Variants in ALKAL1 observed in about 807,000 individuals in gnomAD.
ALKAL1 encodes the protein ALK and LTK ligand 1.
A neutral mutation model predicts 13.5 loss-of-function variants in ALKAL1; 23 were observed. The observed-to-expected ratio is 1.70, with a 90% confidence interval of 1.23 to 2.41. ALKAL1 has a LOEUF of 2.41. ALKAL1 is among the 30% of genes most tolerant of loss of function. The pLI, the probability that ALKAL1 is intolerant of heterozygous loss-of-function variation, is 0.00. For missense variants in ALKAL1, 181 were observed against 178.4 expected, an observed-to-expected ratio of 1.01 and a Z score of -0.08; for synonymous variants, 85 against 77.7, an observed-to-expected ratio of 1.09 and a Z score of -0.49.
chr8:52,544,921 A>C (rs1590866454), intron 1 of ALKAL1, among the ~76,000 whole-genome samples: 1 of 152,100 alleles, frequency 6.6e-6, no homozygotes, highest in East Asian at 1.9e-4. Context: ...TAATAAATAA[A>C]TTTTGTTTTT....
chr8:52,544,275 C>A (rs914771227), intron 1 of ALKAL1, among the ~76,000 whole-genome samples: 4 of 152,022 alleles, frequency 2.6e-5, no homozygotes, highest in African/African-American at 7.2e-5. Flanking sequence ...AAAACACAAA[C>A]ATCACATAGG....
In ALKAL1 at chr8:52,538,348, T is replaced by G. The variant is rs1462376700; in HGVS notation, c.*12+83A>C. Reference sequence around the variant, plus strand: ...CCCATAAATATGTACAATCATTATGTGTCAACTAAAAAGAAAAGGAAAAAA... The same window carrying G: ...CCCATAAATATGTACAATCATTATGGGTCAACTAAAAAGAAAAGGAAAAAA... On this transcript the variant is annotated intron_variant, in intron 4 of 4. Transcript: ENST00000358543. 3 of 761,478 alleles carry G rather than the reference T, an allele frequency of 3.9e-6. No individual in the cohort carries two copies. In the East Asian group the frequency reaches 8.1e-5, roughly 21 times the overall value. The allele number at this position is 761,478 out of a possible 1,614,324, so 47.2% of individuals were successfully genotyped here. A position where few individuals can be genotyped will look rare whatever the true frequency, so the allele number is the denominator to read the frequency against.
At chr8:52,541,654 A>G (rs1345312474) in intron 2 of ALKAL1, among the ~76,000 whole-genome samples, 1 of 152,110 alleles carries the variant, frequency 6.6e-6, no homozygotes, top group Non-Finnish European at 1.5e-5. Flanking sequence ...CTGTAATCCC[A>G]GCTATTTGGG....
intron 1 of ALKAL1, among the ~76,000 whole-genome samples, chr8:52,557,167 G>A (rs1227191542): frequency 6.6e-6 from 1 of 152,212 alleles, no homozygotes; most frequent in Admixed American, 6.5e-5. Flanking sequence ...CTTTGAAGCA[G>A]TCATGATGAT....
chr8:52,534,606 G>T lies in ALKAL1; in HGVS notation c.*13-6C>A. On this transcript the variant is annotated splice_polypyrimidine_tract_variant and splice_region_variant and intron_variant, in intron 4 of 4. Transcript: ENST00000358543. ...TGTACATTCTTAGGAAATGTCTGTG[G>T]GGGTAAAAGAAGAGCCATATCATTT... 1 of 599,462 alleles carries T rather than the reference G, an allele frequency of 1.7e-6. No homozygotes were observed. The allele number at this position is 599,462 out of a possible 1,614,324, so 37.1% of individuals were successfully genotyped here.
intron 1 of ALKAL1, among the ~76,000 whole-genome samples, chr8:52,561,511 C>G (rs1352759823): frequency 6.6e-6 from 1 of 152,100 alleles, no homozygotes; most frequent in African/African-American, 2.4e-5. Context: ...GAGGGGGTAC[C>G]AAGCCTGGGA....
intron 2 of ALKAL1, 48 bp downstream of exon 2, chr8:52,542,344 C>G (rs1219172655): frequency 2.0e-5 from 25 of 1,233,076 alleles, no homozygotes; most frequent in Non-Finnish European, 2.7e-5. Flanking sequence ...ATTCTGCACA[C>G]AGTCTTTTTA....
At chr8:52,562,397 ACC>A (rs1315228597) in intron 1 of ALKAL1, among the ~76,000 whole-genome samples, 59 of 152,080 alleles carry the variant, frequency 3.9e-4, no homozygotes, top group Non-Finnish European at 8.1e-4. Flanking sequence ...CATCCCAACG[ACC>A]TCAGCTGTGT....
At position 52,556,840 on chromosome 8, in the gene ALKAL1, A is replaced by G. The variant is rs1057314700; in HGVS notation, c.190+8227T>C. 9.2e-5 allele frequency among the ~76,000 whole-genome samples: 14 copies of G among 152,178 alleles called. No homozygotes were observed. The East Asian group carries it at 9.7e-4, about 10-fold the overall frequency. ...TTGTGAAGTATCTTTTATTTTTGCT[A>G]TATCTATAAAGAATTCTTTAAGGTG... On this transcript the variant is annotated intron_variant, in intron 1 of 4. Transcript: ENST00000358543.
chr8:52,544,734 A>G (rs1249349765), intron 1 of ALKAL1, among the ~76,000 whole-genome samples: 1 of 152,010 alleles, frequency 6.6e-6, no homozygotes, highest in Admixed American at 6.6e-5. Context: ...TGACTAAGAG[A>G]GCAGAGTTCA....
chr8:52,546,859 T>C (rs1195641315), intron 1 of ALKAL1, among the ~76,000 whole-genome samples: 1 of 152,180 alleles, frequency 6.6e-6, no homozygotes, highest in Non-Finnish European at 1.5e-5. Flanking sequence ...TGCTGAGAGA[T>C]CCTTTGTCTC....
At chr8:52,543,509 G>C (rs1279480288) in intron 1 of ALKAL1, among the ~76,000 whole-genome samples, 2 of 152,204 alleles carry the variant, frequency 1.3e-5, no homozygotes, top group Non-Finnish European at 2.9e-5. Flanking sequence ...TTCAGGGCCT[G>C]GTTCAGGGCG....
chr8:52,555,995 C>T lies in ALKAL1; in HGVS notation c.190+9072G>A, dbSNP rs1201886449. ...AAAACACGGATGGTGGTAGATCCTG[C>T]ATGGAATGGTGATCTAGTCACATAT... On this transcript the variant is annotated intron_variant, in intron 1 of 4. Transcript: ENST00000358543. Among the ~76,000 whole-genome samples, 4 of 152,122 alleles carry T rather than the reference C, an allele frequency of 2.6e-5. No individual in the cohort carries two copies. The East Asian group carries it at 7.7e-4, about 29-fold the overall frequency.
At chr8:52,551,534 C>T (rs572303641) in intron 1 of ALKAL1, among the ~76,000 whole-genome samples, 1 of 149,740 alleles carries the variant, frequency 6.7e-6, no homozygotes, top group South Asian at 2.1e-4. Context: ...GTCCTGAACT[C>T]GTGGCCTCAA....
intron 1 of ALKAL1, among the ~76,000 whole-genome samples, chr8:52,564,193 AG>A (rs1451076919): frequency 2.0e-5 from 3 of 152,132 alleles, no homozygotes; most frequent in Non-Finnish European, 4.4e-5. Context: ...GTCCCCGCAG[AG>A]GGGCCCTTCT....
chr8:52,535,110 T>G (rs1847252571), intron 4 of ALKAL1, among the ~76,000 whole-genome samples: 1 of 152,218 alleles, frequency 6.6e-6, no homozygotes, highest in Non-Finnish European at 1.5e-5. Flanking sequence ...GGAAAACTTT[T>G]CCAGTATTGT....
chr8:52,565,261 G>C lies in ALKAL1; in HGVS notation c.-5C>G. 7.7e-7 allele frequency: 1 copy of C among 1,305,990 alleles called. No individual in the cohort carries two copies. Among genetic ancestry groups the C allele is most frequent in the Admixed American group, 4.1e-5 (1 of 24,158 alleles). 80.9% of individuals were successfully genotyped at this position (1,305,990 alleles called of 1,614,324 possible). A position where few individuals can be genotyped will look rare whatever the true frequency, so the allele number is the denominator to read the frequency against. On this transcript the variant is annotated 5_prime_UTR_variant, in exon 1 of 5. Coordinates refer to ENST00000358543, the MANE Select transcript of ALKAL1 (RefSeq NM_207413.4). Reference sequence around the variant, plus strand: ...GCCGGGCTTAAGGGGCCGCATGTTCGCAAGCCGGGAGGAGAGAGCGGGAGA... The same window carrying C: ...GCCGGGCTTAAGGGGCCGCATGTTCCCAAGCCGGGAGGAGAGAGCGGGAGA...
Position 52,542,425 on chromosome 8 carries a change from T to TA in ALKAL1, c.210dup (p.Asn71Ter), listed in dbSNP as rs1563320394. ...TGCTTTATGAATTTGTCTTTTAAGT[T>TA]AGAGTCTCTTGGGAATATTTCTGAA... On this transcript the variant is annotated frameshift_variant, in exon 2 of 5. Coordinates refer to ENST00000358543, the MANE Select transcript of ALKAL1 (RefSeq NM_207413.4). LOFTEE classifies it high-confidence loss of function. 2 of 1,547,304 alleles carry TA rather than the reference T, an allele frequency of 1.3e-6. No homozygotes were observed. The highest frequency in any genetic ancestry group is 3.5e-5 in the Admixed American group (2 of 57,138).
At chr8:52,548,294 T>C (rs746615206) in intron 1 of ALKAL1, among the ~76,000 whole-genome samples, 1 of 151,288 alleles carries the variant, frequency 6.6e-6, no homozygotes, top group Non-Finnish European at 1.5e-5. Flanking sequence ...GAGGTTACAG[T>C]GAGCTGAGAT....
Sources: allele counts gnomAD v4.1 joint callset (sites outside exome capture counted in the v4.1 genomes callset), GRCh38; gene constraint gnomAD v4.1.1; transcripts MANE v1.5; gene names NCBI Gene and HGNC (gene_info 2026-07-23, HGNC 2026-07-21).